Variants in KRR1 observed in about 807,000 individuals in gnomAD.
KRR1 encodes the protein KRR1 small subunit processome component.
In KRR1, 23 loss-of-function variants were observed where a neutral mutation model predicts 50.0. That is an observed-to-expected ratio of 0.46 (90% confidence interval 0.33 to 0.65). The LOEUF (loss-of-function observed/expected upper bound fraction) is 0.65, where lower values mean the gene tolerates loss of function less well. Among genes scored for constraint, KRR1 ranks in the 30% least tolerant of loss-of-function variants. The probability of loss-of-function intolerance (pLI) is 0.02; values close to 1 mark genes in which losing one functional copy is unlikely to be tolerated. For synonymous variants in KRR1, 133 were observed against 146.3 expected (o/e 0.91, Z 0.66); for missense variants, 419 against 442.4 (o/e 0.95, Z 0.47).
At position 75,499,707 on chromosome 12, in the gene KRR1, A is replaced by G. The variant is rs2046377638; in HGVS notation, c.*102T>C. The G allele has an allele frequency of 2.7e-5, 21 of 786,802 alleles. No individual in the cohort carries two copies. Among genetic ancestry groups the G allele is most frequent in the South Asian group, 2.5e-4 (11 of 43,262 alleles). The allele number at this position is 786,802 out of a possible 1,614,324, so 48.7% of individuals were successfully genotyped here. ...GAACAACCACCACCACCAAAAAAAA[A>G]AAAAGCCCTCAGAAAATTTCTCACA... On this transcript the variant is annotated 3_prime_UTR_variant, in exon 10 of 10. Coordinates refer to ENST00000229214, the MANE Select transcript of KRR1 (RefSeq NM_007043.7).
In KRR1 at chr12:75,495,997, G is replaced by GTTTTTTT. The variant is rs370713345; in HGVS notation, c.*3805_*3811dup. Reference sequence around the variant, plus strand: ...TCCAAACAAACAGAATTCTGTTTTCGTTTTTTTTTTTGTTTTTTTTTTTTG... The same window carrying GTTTTTTT: ...TCCAAACAAACAGAATTCTGTTTTCGTTTTTTTTTTTTTTTTTTGTTTTTTTTTTTTG... On this transcript the variant is annotated 3_prime_UTR_variant, in exon 10 of 10. Transcript: ENST00000229214. 2.2e-4 allele frequency: 29 copies of GTTTTTTT among 132,318 alleles called. No individual in the cohort carries two copies. Among genetic ancestry groups the GTTTTTTT allele is most frequent in the Non-Finnish European group, 3.0e-4 (19 of 64,370 alleles). The allele number at this position is 132,318 out of a possible 1,614,324, so 8.2% of individuals were successfully genotyped here.
chr12:75,495,724 A>T lies in KRR1; in HGVS notation c.*4085T>A. On this transcript the variant is annotated 3_prime_UTR_variant, in exon 10 of 10. Coordinates refer to ENST00000229214, the MANE Select transcript of KRR1 (RefSeq NM_007043.7). ...AATAGTAACATGTAACTTTCTACAG[A>T]ATTAACAATGAAACCATGTTTTATC... The T allele has an allele frequency of 1.0e-6, 1 of 976,120 alleles. No individual in the cohort carries two copies. The highest frequency in any genetic ancestry group is 1.6e-6 in the Non-Finnish European group (1 of 623,120). The allele number at this position is 976,120 out of a possible 1,614,324, so 60.5% of individuals were successfully genotyped here.
intron 4 of KRR1, 22 bp from the exon 5 acceptor site, chr12:75,506,421 A>G: frequency 6.2e-7 from 1 of 1,605,158 alleles, no homozygotes; most frequent in African/African-American, 1.3e-5. Context: ...GATCAAGTTA[A>G]AATTCATTAC....
rs375418899 is a variant in KRR1, at chr12:75,498,794, C to T, written c.*1015G>A. The T allele has an allele frequency of 1.9e-6, 3 of 1,611,018 alleles. No individual in the cohort carries two copies. Among genetic ancestry groups the T allele is most frequent in the Non-Finnish European group, 2.5e-6 (3 of 1,177,538 alleles). On this transcript the variant is annotated 3_prime_UTR_variant, in exon 10 of 10. Transcript: ENST00000229214. Reference sequence around the variant, plus strand: ...GTCAGTGCATTATGAGGAACAATGTCTAAGAGGATATTCTATGTTTGTTTC... The same window carrying T: ...GTCAGTGCATTATGAGGAACAATGTTTAAGAGGATATTCTATGTTTGTTTC...
At chr12:75,505,971 C>T (rs1183963189) in intron 5 of KRR1, among the ~76,000 whole-genome samples, 2 of 152,076 alleles carry the variant, frequency 1.3e-5, no homozygotes, top group Non-Finnish European at 2.9e-5. Context: ...TGGATTTTTG[C>T]TCAATTTTCC....
chr12:75,502,652 C>T (rs1397563269), intron 7 of KRR1: 2 of 152,052 alleles, frequency 1.3e-5, no homozygotes, highest in East Asian at 3.9e-4. Context: ...ATTACCATTA[C>T]TCCCACTTTA....
intron 5 of KRR1, 110 bp downstream of exon 5, chr12:75,506,206 A>T: frequency 1.5e-6 from 1 of 660,068 alleles, no homozygotes; most frequent in Non-Finnish European, 2.5e-6. Flanking sequence ...TGGGAAATCA[A>T]AGCACATTCT....
intron 9 of KRR1, chr12:75,500,814 C>A (rs1283708563): frequency 2.0e-5 from 3 of 151,956 alleles, no homozygotes; most frequent in African/African-American, 7.3e-5. Context: ...AAGCCTCCAC[C>A]GTGTGGAGAA....
At position 75,498,736 on chromosome 12, in the gene KRR1, T is replaced by C. The variant is rs1395423655; in HGVS notation, c.*1073A>G. On this transcript the variant is annotated 3_prime_UTR_variant, in exon 10 of 10. Coordinates refer to ENST00000229214, the MANE Select transcript of KRR1 (RefSeq NM_007043.7). The stretch of plus-strand genomic sequence containing the variant: ...CAAGTCAAACGTACGTACATCAATC[T>C]TAAATTGTTTCATTAAGAGCTATGT... The C allele has an allele frequency of 1.9e-6, 3 of 1,611,948 alleles. No homozygotes were observed. In the African/African-American group the frequency reaches 4.0e-5, roughly 22 times the overall value.
At chr12:75,500,471 T>TATTAATTGAA (rs2046384487) in intron 9 of KRR1, 1 of 134,378 alleles carries the variant, frequency 7.4e-6, no homozygotes, top group Admixed American at 7.5e-5. Context: ...ATTAATTCAA[T>TATTAATTGAA]ATTAATTGAA....
chr12:75,497,489 G>C lies in KRR1; in HGVS notation c.*2320C>G, dbSNP rs1344745860. The C allele has an allele frequency of 6.6e-6, 1 of 152,152 alleles. No individual in the cohort carries two copies. The highest frequency in any genetic ancestry group is 1.5e-5 in the Non-Finnish European group (1 of 68,030). 9.4% of individuals were successfully genotyped at this position (152,152 alleles called of 1,614,324 possible). On this transcript the variant is annotated 3_prime_UTR_variant, in exon 10 of 10. Transcript: ENST00000229214. Reference sequence around the variant, plus strand: ...TCTTGTCACTAATTTCCTATTCTCAGAGCTAGATTTATGTAATTTGTTTTC... The same window carrying C: ...TCTTGTCACTAATTTCCTATTCTCACAGCTAGATTTATGTAATTTGTTTTC...
In KRR1 at chr12:75,505,222, ATTC is replaced by A; in HGVS notation, c.633_635del (p.Lys211del). ...CTTTAATGTTATAAATTGGATGAATATTCTTCATAGTATCAAGGACTACTTTTC... is the reference window on the plus strand; with the variant it reads ...CTTTAATGTTATAAATTGGATGAATATTCATAGTATCAAGGACTACTTTTC... On this transcript the variant is annotated inframe_deletion, in exon 6 of 10. Coordinates refer to ENST00000229214, the MANE Select transcript of KRR1 (RefSeq NM_007043.7). 2 of 1,570,062 alleles carry A rather than the reference ATTC, an allele frequency of 1.3e-6. No homozygotes were observed. Among genetic ancestry groups the A allele is most frequent in the Non-Finnish European group, 1.7e-6 (2 of 1,152,588 alleles).
At chr12:75,506,635 A>AAAAAAAAAAAC in intron 3 of KRR1, 26 bp from the exon 4 acceptor site, 1 of 1,543,822 alleles carries the variant, frequency 6.5e-7, no homozygotes, top group Non-Finnish European at 8.7e-7. Flanking sequence ...AAAAAAAAAG[A>AAAAAAAAAAAC]AGACATTATC....
rs1484671556 is a variant in KRR1 at position 75,492,516 on chromosome 12, CAA to C, written c.*7291_*7292del. Reference sequence around the variant, plus strand: ...TCACTTAGAGTAGCTATGAAAGTGACAAGAGAAGGCTTTGTAAAATACTAGGT... The same window carrying C: ...TCACTTAGAGTAGCTATGAAAGTGACGAGAAGGCTTTGTAAAATACTAGGT... On this transcript the variant is annotated 3_prime_UTR_variant, in exon 10 of 10. Transcript: ENST00000229214. 2.0e-5 allele frequency: 3 copies of C among 152,170 alleles called. No homozygotes were observed. Among genetic ancestry groups the C allele is most frequent in the African/African-American group, 7.2e-5 (3 of 41,428 alleles). 9.4% of individuals were successfully genotyped at this position (152,170 alleles called of 1,614,324 possible). A position where few individuals can be genotyped will look rare whatever the true frequency, so the allele number is the denominator to read the frequency against.
At position 75,506,514 on chromosome 12, in the gene KRR1, C is replaced by T; in HGVS notation, c.489G>A (p.Arg163=). ...ATGTAGATCCTTTGGGACCAATAAG[C>T]CGTTGTCTTCGTTTTACAAATCTCT... The part of the protein sequence containing the change: ...NKERFVKRRQ[R]LIGPKGSTLK... The change falls in exon 4 of 10, where the codon CGG becomes CGA. Residue 163 remains arginine (R), a synonymous_variant. Coordinates refer to ENST00000229214, the MANE Select transcript of KRR1 (RefSeq NM_007043.7). 6.2e-7 allele frequency: 1 copy of T among 1,607,984 alleles called. No individual in the cohort carries two copies. Among genetic ancestry groups the T allele is most frequent in the Non-Finnish European group, 8.5e-7 (1 of 1,177,596 alleles).
At chr12:75,505,583 T>C (rs909610734) in intron 5 of KRR1, among the ~76,000 whole-genome samples, 2 of 151,506 alleles carry the variant, frequency 1.3e-5, no homozygotes, top group Admixed American at 1.3e-4. Context: ...GTTCCAGCTT[T>C]CTCATTTGTA....
Position 75,495,534 on chromosome 12 carries a change from AAAC to A in KRR1, c.*4272_*4274del. 1 of 1,165,884 alleles carries A rather than the reference AAAC, an allele frequency of 8.6e-7. No individual in the cohort carries two copies. Among genetic ancestry groups the A allele is most frequent in the Non-Finnish European group, 1.3e-6 (1 of 778,264 alleles). The allele number at this position is 1,165,884 out of a possible 1,614,324, so 72.2% of individuals were successfully genotyped here. Reference sequence around the variant, plus strand: ...ATTCATAGTAAATTGCAATTTTAAAAAACCGAAAAACTTCTAATGGACATCCTT... The same window carrying A: ...ATTCATAGTAAATTGCAATTTTAAAACGAAAAACTTCTAATGGACATCCTT... On this transcript the variant is annotated 3_prime_UTR_variant, in exon 10 of 10. Transcript: ENST00000229214.
In KRR1 at chr12:75,498,401, T is replaced by G. The variant is rs2046365055; in HGVS notation, c.*1408A>C. The G allele has an allele frequency of 1.3e-5, 3 of 230,816 alleles. No homozygotes were observed. The highest frequency in any genetic ancestry group is 6.8e-5 in the African/African-American group (3 of 44,082). The allele number at this position is 230,816 out of a possible 1,614,324, so 14.3% of individuals were successfully genotyped here. The stretch of plus-strand genomic sequence containing the variant: ...TCACATTCTAATATTTAATTTTTAT[T>G]TTTTAAATTTTATTACCTGCTAGGT... On this transcript the variant is annotated 3_prime_UTR_variant, in exon 10 of 10. Transcript: ENST00000229214.
chr12:75,501,825 A>ATAAAT lies in KRR1; in HGVS notation c.910-14_910-10dup. ...GCTTCTGCTTGTTTAGCCTACATTA[A>ATAAAT]TAAATAAAAAATATATCAGTTAAAT... On this transcript the variant is annotated splice_polypyrimidine_tract_variant and intron_variant, in intron 8 of 9. Transcript: ENST00000229214. The ATAAAT allele has an allele frequency of 6.3e-7, 1 of 1,589,172 alleles. No individual in the cohort carries two copies.
Sources: allele counts gnomAD v4.1 joint callset (sites outside exome capture counted in the v4.1 genomes callset), GRCh38; gene constraint gnomAD v4.1.1; transcripts MANE v1.5; gene names NCBI Gene and HGNC (gene_info 2026-07-23, HGNC 2026-07-21).